The following CNTNAP5 variants were observed in gnomAD, a reference collection of about 807,000 sequenced individuals.
CNTNAP5 encodes the protein contactin associated protein family member 5.
Under a neutral mutation model 150.2 loss-of-function variants are expected in CNTNAP5, and 72 were observed. The ratio of observed to expected loss-of-function variants is 0.48; its 90% confidence interval spans 0.40 to 0.58. The LOEUF (loss-of-function observed/expected upper bound fraction) is 0.58. Among genes scored for constraint, CNTNAP5 ranks in the 20% least tolerant of loss-of-function variants. CNTNAP5 has a pLI of 0.00. For synonymous variants in CNTNAP5, 672 were observed against 619.8 expected (o/e 1.08, Z -1.25); for missense variants, 1,636 against 1,626.2 (o/e 1.01, Z -0.10).
chr2:124,597,035 CTGTA>C (rs1696844064), intron 11 of CNTNAP5, among the ~76,000 whole-genome samples: 1 of 125,774 alleles, frequency 8.0e-6, no homozygotes, highest in Non-Finnish European at 1.7e-5. Flanking sequence ...ATGTGTGTCT[CTGTA>C]CGTGAGATGG....
chr2:124,232,655 G>T (rs942283509), intron 2 of CNTNAP5, among the ~76,000 whole-genome samples: 3 of 151,980 alleles, frequency 2.0e-5, no homozygotes, highest in Non-Finnish European at 1.5e-5. Flanking sequence ...GCTTATTTCA[G>T]TTATATTCAT....
At position 124,185,312 on chromosome 2, in the gene CNTNAP5, C is replaced by CTGT. The variant is rs1471470195; in HGVS notation, c.83-36393_83-36392insTGT. ...GTTTTGGCTTGTGAACTCATATTGCCACCCACTGGACTGTAAGCTGCCAAA... is the reference window on the plus strand; with the variant it reads ...GTTTTGGCTTGTGAACTCATATTGCCTGTACCCACTGGACTGTAAGCTGCCAAA... On this transcript the variant is annotated intron_variant, in intron 1 of 23. Coordinates refer to ENST00000682447, the MANE Select transcript of CNTNAP5 (RefSeq NM_001367498.1). Among the ~76,000 whole-genome samples, 7 of 152,270 alleles carry CTGT rather than the reference C, an allele frequency of 4.6e-5. No homozygotes were observed. The East Asian group carries it at 1.4e-3, about 29-fold the overall frequency.
chr2:124,917,836 A>G lies in CNTNAP5; in HGVS notation c.*3548A>G, dbSNP rs1345730474. 6.6e-6 allele frequency among the ~76,000 whole-genome samples: 1 copy of G among 152,040 alleles called. No individual in the cohort carries two copies. The highest frequency in any genetic ancestry group is 6.6e-5 in the Admixed American group (1 of 15,238). On this transcript the variant is annotated 3_prime_UTR_variant, in exon 24 of 24. Transcript: ENST00000682447. ...TATTGTTGCAACAGGGCCACACATAAAGTGTCCTAGAATGCAGCACAAGGT... is the reference window on the plus strand; with the variant it reads ...TATTGTTGCAACAGGGCCACACATAGAGTGTCCTAGAATGCAGCACAAGGT...
chr2:124,556,828 C>G (rs1391181763), intron 10 of CNTNAP5, among the ~76,000 whole-genome samples: 1 of 152,064 alleles, frequency 6.6e-6, no homozygotes, highest in East Asian at 1.9e-4. Context: ...ACAGGTGAAG[C>G]AGGTGGTGGG....
At position 124,915,674 on chromosome 2, in the gene CNTNAP5, T is replaced by G. The variant is rs1678752296; in HGVS notation, c.*1386T>G. ...AGGCTTAAACTCCCAAAAGAGGTGG[T>G]GACAAATTTCAGGGTCTTTGTCCCT... On this transcript the variant is annotated 3_prime_UTR_variant, in exon 24 of 24. Coordinates refer to ENST00000682447, the MANE Select transcript of CNTNAP5 (RefSeq NM_001367498.1). 6.6e-6 allele frequency among the ~76,000 whole-genome samples: 1 copy of G among 152,040 alleles called. No homozygotes were observed.
intron 18 of CNTNAP5, among the ~76,000 whole-genome samples, chr2:124,793,883 CAT>C (rs1681789627): frequency 1.3e-5 from 2 of 151,936 alleles, no homozygotes; most frequent in Non-Finnish European, 1.5e-5. Context: ...TAAAATGTAA[CAT>C]AATTATTTAT....
At chr2:124,655,173 T>G (rs1304793554) in intron 13 of CNTNAP5, among the ~76,000 whole-genome samples, 5 of 152,068 alleles carry the variant, frequency 3.3e-5, no homozygotes, top group Non-Finnish European at 7.4e-5. Flanking sequence ...AGCCCCAGTG[T>G]GTGATGTTTC....
intron 8 of CNTNAP5, among the ~76,000 whole-genome samples, chr2:124,505,213 A>G (rs1266419645): frequency 6.6e-6 from 1 of 152,162 alleles, no homozygotes; most frequent in East Asian, 1.9e-4. Flanking sequence ...CATGTTTCAT[A>G]TGGAATCTTC....
At chr2:124,860,085 C>T (rs1677480358) in intron 19 of CNTNAP5, among the ~76,000 whole-genome samples, 1 of 152,042 alleles carries the variant, frequency 6.6e-6, no homozygotes. Context: ...GGTGTGGTGA[C>T]TCACGCCTGT....
At chr2:124,606,156 AAAGT>A (rs1262933312) in intron 11 of CNTNAP5, among the ~76,000 whole-genome samples, 1 of 152,208 alleles carries the variant, frequency 6.6e-6, no homozygotes, top group Non-Finnish European at 1.5e-5. Flanking sequence ...CAGAAAAGAA[AAAGT>A]AATCACATTA....
intron 12 of CNTNAP5, among the ~76,000 whole-genome samples, chr2:124,621,199 T>A (rs1677607276): frequency 6.6e-6 from 1 of 152,214 alleles, no homozygotes; most frequent in Non-Finnish European, 1.5e-5. Flanking sequence ...CTGTTTTTCC[T>A]TTGTACAGTA....
chr2:124,210,962 T>C (rs921921904), intron 1 of CNTNAP5, among the ~76,000 whole-genome samples: 1 of 152,216 alleles, frequency 6.6e-6, no homozygotes, highest in African/African-American at 2.4e-5. Context: ...CCATGCTTTC[T>C]GTTCCCTTTA....
chr2:124,803,252 G>C (rs1005450445), intron 19 of CNTNAP5, among the ~76,000 whole-genome samples: 3 of 152,156 alleles, frequency 2.0e-5, no homozygotes, highest in Non-Finnish European at 4.4e-5. Context: ...GGTCAGAAAA[G>C]GCTTCCTAGA....
intron 13 of CNTNAP5, among the ~76,000 whole-genome samples, chr2:124,662,661 T>C (rs183571630): frequency 6.6e-6 from 1 of 152,006 alleles, no homozygotes; most frequent in Non-Finnish European, 1.5e-5. Flanking sequence ...CACAGACACA[T>C]GTCAAGAGAG....
At chr2:124,202,676 G>A (rs942863251) in intron 1 of CNTNAP5, among the ~76,000 whole-genome samples, 21 of 152,224 alleles carry the variant, frequency 1.4e-4, no homozygotes, top group African/African-American at 3.9e-4. Context: ...AAATGCAAAA[G>A]AGGAGTAAAG....
intron 1 of CNTNAP5, among the ~76,000 whole-genome samples, chr2:124,047,065 A>G (rs371416406): frequency 1.7e-4 from 26 of 152,338 alleles, no homozygotes; most frequent in African/African-American, 5.8e-4. Flanking sequence ...TCGAGTGTTT[A>G]CTAGATAACA....
At chr2:124,624,197 G>A (rs1677673091) in intron 12 of CNTNAP5, among the ~76,000 whole-genome samples, 1 of 152,152 alleles carries the variant, frequency 6.6e-6, no homozygotes, top group African/African-American at 2.4e-5. Context: ...AAGTCATAAA[G>A]CTGTAGTATT....
At chr2:124,170,013 A>C (rs1284506668) in intron 1 of CNTNAP5, among the ~76,000 whole-genome samples, 2 of 152,196 alleles carry the variant, frequency 1.3e-5, no homozygotes, top group Non-Finnish European at 2.9e-5. Flanking sequence ...CTGCACCTAC[A>C]GCTAAAACCA....
chr2:124,298,770 G>C (rs751528509), intron 3 of CNTNAP5, among the ~76,000 whole-genome samples: 2 of 151,966 alleles, frequency 1.3e-5, no homozygotes, highest in Non-Finnish European at 2.9e-5. Flanking sequence ...CATACTTCAA[G>C]ACCCAGGGAT....
Sources: gnomAD v4.1 joint callset for allele counts (sites outside exome capture counted in the v4.1 genomes callset) on GRCh38, gnomAD v4.1.1 for gene constraint, MANE v1.5 for transcripts, NCBI Gene and HGNC (gene_info 2026-07-23, HGNC 2026-07-21) for gene names.